Variants in SOX6 observed in about 807,000 individuals in gnomAD.
SOX6 encodes the protein transcription factor SOX-6.
A neutral mutation model predicts 97.8 loss-of-function variants in SOX6; 11 were observed. The observed-to-expected ratio is 0.11, with a 90% CI of 0.07 to 0.19. The LOEUF is 0.19. Ranked by LOEUF, SOX6 falls within the 10% of genes least tolerant of loss-of-function variation. The pLI is 1.00. For synonymous variants in SOX6, 360 were observed against 371.4 expected (o/e 0.97, Z 0.35); for missense variants, 810 against 1,039.5 (o/e 0.78, Z 3.04).
chr11:16,351,590 C>T (rs1856947946), intron 1 of SOX6, among the ~76,000 whole-genome samples: 1 of 152,040 alleles, frequency 6.6e-6, no homozygotes, highest in South Asian at 2.1e-4. Context: ...GCCCTCCATC[C>T]AGATACAACC....
chr11:16,571,380 A>G (rs1394636612), intron 4 of SOX6, among the ~76,000 whole-genome samples: 1 of 152,200 alleles, frequency 6.6e-6, no homozygotes, highest in East Asian at 1.9e-4. Flanking sequence ...ACTGTCAGAT[A>G]CATGCCACAG....
At chr11:16,109,011 C>T (rs540714634) in intron 7 of SOX6, among the ~76,000 whole-genome samples, 22 of 150,906 alleles carry the variant, frequency 1.5e-4, no homozygotes, top group South Asian at 2.1e-4. Context: ...ATTTCAGATA[C>T]GGGAAAGTGG....
intron 13 of SOX6, among the ~76,000 whole-genome samples, chr11:15,992,619 C>G (rs1461170920): frequency 2.6e-5 from 4 of 152,108 alleles, no homozygotes; most frequent in African/African-American, 9.7e-5. Flanking sequence ...TCACCACCAC[C>G]ACTAACATCC....
chr11:16,206,310 G>A (rs552175420), intron 4 of SOX6, among the ~76,000 whole-genome samples: 4 of 152,028 alleles, frequency 2.6e-5, no homozygotes, highest in Non-Finnish European at 4.4e-5. Context: ...AAAGACCTCT[G>A]TTGGAATAAA....
rs191191491 is a variant in SOX6 at position 16,217,891 on chromosome 11, C to T, written c.535+16691G>A. The stretch of plus-strand genomic sequence containing the variant: ...AGCTATGAAAATAAACAGTTACCTG[C>T]CTGTAATTGGTTTATAACAGCTGCA... On this transcript the variant is annotated intron_variant, in intron 4 of 15. Transcript: ENST00000683767. Among the ~76,000 whole-genome samples the T allele has an allele frequency of 1.3e-4, 20 of 152,156 alleles. No homozygotes were observed. In the East Asian group the frequency reaches 3.7e-3, roughly 28 times the overall value.
intron 4 of SOX6, among the ~76,000 whole-genome samples, chr11:16,537,257 A>G (rs1861324543): frequency 6.6e-6 from 1 of 152,232 alleles, no homozygotes; most frequent in Non-Finnish European, 1.5e-5. Context: ...AAAAGTAACA[A>G]ACAGAAAGGA....
intron 4 of SOX6, among the ~76,000 whole-genome samples, chr11:16,222,593 T>C (rs1852575063): frequency 6.6e-6 from 1 of 152,140 alleles, no homozygotes; most frequent in Non-Finnish European, 1.5e-5. Context: ...TTCTACAGAA[T>C]AGATACAAAC....
intron 3 of SOX6, among the ~76,000 whole-genome samples, chr11:16,239,242 T>C (rs1853112512): frequency 6.6e-6 from 1 of 152,040 alleles, no homozygotes; most frequent in South Asian, 2.1e-4. Flanking sequence ...ATGTGCCAGT[T>C]TTATTTTGAA....
intron 3 of SOX6, among the ~76,000 whole-genome samples, chr11:16,638,268 G>A (rs1447903452): frequency 6.6e-6 from 1 of 152,010 alleles, no homozygotes; most frequent in East Asian, 1.9e-4. Flanking sequence ...GTATTCCATG[G>A]TGTATATGTG....
chr11:16,284,724 T>C (rs1462337026), intron 3 of SOX6, among the ~76,000 whole-genome samples: 2 of 152,068 alleles, frequency 1.3e-5, no homozygotes, highest in Admixed American at 6.6e-5. Context: ...GTGGGTGCAA[T>C]AGAAACCCAC....
chr11:16,291,313 GTTTTC>G (rs1854908366), intron 3 of SOX6, among the ~76,000 whole-genome samples: 2 of 144,014 alleles, frequency 1.4e-5, no homozygotes, highest in Non-Finnish European at 3.0e-5. Context: ...ACAAGATGCT[GTTTTC>G]TTTTATGTGG....
chr11:16,334,048 G>A (rs548162381), intron 2 of SOX6, among the ~76,000 whole-genome samples: 16 of 152,118 alleles, frequency 1.1e-4, no homozygotes, highest in Non-Finnish European at 2.2e-4. Context: ...GTGAGTGTCA[G>A]TGATAGAGTT....
At chr11:16,017,651 T>C (rs1452941706) in intron 12 of SOX6, among the ~76,000 whole-genome samples, 1 of 152,110 alleles carries the variant, frequency 6.6e-6, no homozygotes, top group Non-Finnish European at 1.5e-5. Flanking sequence ...AGGTTGAACA[T>C]GAGCCTAGTA....
chr11:16,496,754 T>C (rs975989534), intron 4 of SOX6, among the ~76,000 whole-genome samples: 5 of 152,140 alleles, frequency 3.3e-5, no homozygotes, highest in African/African-American at 1.2e-4. Context: ...ACTGCAAGGC[T>C]GCAGCAAGGC....
At chr11:16,627,757 C>T (rs752078118) in intron 3 of SOX6, among the ~76,000 whole-genome samples, 8 of 152,164 alleles carry the variant, frequency 5.3e-5, no homozygotes, top group Non-Finnish European at 1.0e-4. Flanking sequence ...TGTCTGTTTA[C>T]TCTGTTGATA....
At chr11:16,199,321 A>T (rs1403007282) in intron 4 of SOX6, among the ~76,000 whole-genome samples, 1 of 152,204 alleles carries the variant, frequency 6.6e-6, no homozygotes, top group Non-Finnish European at 1.5e-5. Context: ...TTTTTAGCAC[A>T]AATGATCGTC....
chr11:16,111,996 T>C, intron 6 of SOX6, 73 bp from the exon 7 acceptor site: 1 of 1,594,488 alleles, frequency 6.3e-7, no homozygotes, highest in Non-Finnish European at 8.5e-7. Flanking sequence ...TTTTCACTCC[T>C]GGTGGTGTGC....
intron 3 of SOX6, among the ~76,000 whole-genome samples, chr11:16,247,220 T>A (rs1250412722): frequency 2.0e-5 from 3 of 152,210 alleles, no homozygotes; most frequent in African/African-American, 4.8e-5. Context: ...TGAATCCATG[T>A]TGTTGTAAAC....
intron 9 of SOX6, among the ~76,000 whole-genome samples, chr11:16,088,090 A>T (rs1848614697): frequency 6.6e-6 from 1 of 152,164 alleles, no homozygotes; most frequent in African/African-American, 2.4e-5. Flanking sequence ...TGAGTAATTG[A>T]ATTAAATTTA....
Sources: allele counts gnomAD v4.1 joint callset (sites outside exome capture counted in the v4.1 genomes callset), GRCh38; gene constraint gnomAD v4.1.1; transcripts MANE v1.5; gene names NCBI Gene and HGNC (gene_info 2026-07-23, HGNC 2026-07-21).